The following CA1 variants were observed in gnomAD, a reference collection of about 807,000 sequenced individuals.
CA1 encodes carbonic anhydrase 1.
CA1 carries 27 observed loss-of-function variants against 28.8 expected under a neutral mutation model. The observed-to-expected ratio is 0.94, with a 90% CI of 0.69 to 1.29. The LOEUF is 1.29. CA1 is among the 50% of genes most tolerant of loss of function. The pLI is 0.00. For synonymous variants in CA1, 121 were observed against 108.8 expected (o/e 1.11, Z -0.70); for missense variants, 335 against 310.5 (o/e 1.08, Z -0.59).
At chr8:85,354,147 G>C (rs903645818) in intron 1 of CA1, among the ~76,000 whole-genome samples, 1 of 129,274 alleles carries the variant, frequency 7.7e-6, no homozygotes, top group Non-Finnish European at 1.7e-5. Context: ...TTTTTTTTTT[G>C]TATTTTTAGT....
intron 6 of CA1, among the ~76,000 whole-genome samples, chr8:85,330,982 G>A (rs866170755): frequency 3.9e-5 from 6 of 152,058 alleles, no homozygotes; most frequent in Middle Eastern, 3.2e-3. Context: ...AAATTGATGG[G>A]AAGTTTTCTG....
At chr8:85,335,404 A>G (rs1311149553) in intron 4 of CA1, among the ~76,000 whole-genome samples, 1 of 152,136 alleles carries the variant, frequency 6.6e-6, no homozygotes, top group African/African-American at 2.4e-5. Flanking sequence ...TAAGATAGAT[A>G]CTAATGCTAT....
At position 85,364,159 on chromosome 8, in the gene CA1, CTG is replaced by C. The variant is rs144275333; in HGVS notation, c.-25+13885_-25+13886del. 4.1e-3 allele frequency among the ~76,000 whole-genome samples: 623 copies of C among 152,150 alleles called. 4 individuals are homozygous for C. Among genetic ancestry groups the C allele is most frequent in the African/African-American group, 0.014 (594 of 41,536 alleles). ...CCTGGCTATTAACCCCAAATTTATTCTGTGTCTTTCTCTCTTTACCTTCAGAC... is the reference window on the plus strand; with the variant it reads ...CCTGGCTATTAACCCCAAATTTATTCTGTCTTTCTCTCTTTACCTTCAGAC... On this transcript the variant is annotated intron_variant, in intron 1 of 7. Coordinates refer to ENST00000523022, the MANE Select transcript of CA1 (RefSeq NM_001128831.4).
At chr8:85,348,890 T>G (rs7828273) in intron 1 of CA1, among the ~76,000 whole-genome samples, 3 of 152,274 alleles carry the variant, frequency 2.0e-5, no homozygotes, top group Admixed American at 6.5e-5. Context: ...ATAGAAAACT[T>G]TGTGGGCTAT....
At chr8:85,363,147 T>C (rs1165409652) in intron 1 of CA1, among the ~76,000 whole-genome samples, 1 of 152,252 alleles carries the variant, frequency 6.6e-6, no homozygotes. Context: ...CTCAACACTT[T>C]TGCTTTTGGC....
rs139959399 is a variant in CA1 at position 85,328,663 on chromosome 8, C to T, written c.683G>A (p.Arg228His). 1.8e-4 allele frequency: 290 copies of T among 1,600,968 alleles called. No homozygotes were observed. Among genetic ancestry groups the T allele is most frequent in the Non-Finnish European group, 2.3e-4 (270 of 1,170,088 alleles). ...SVSSEQLAQF[R>H]SLLSNVEGDN... ...ACCTTCAACATTTGATAGAAGGCTG[C>T]GGAATTGTGCCAGCTAGAAGGATAA... Residue 228 changes from arginine to histidine, a missense_variant, in exon 8 of 8, where the codon CGC becomes CAC. By Grantham distance (29) the Arg-to-His change is conservative. Transcript: ENST00000523022.
chr8:85,337,905 T>C lies in CA1; in HGVS notation c.235+347A>G, dbSNP rs186526362. 609 of 381,704 alleles carry C rather than the reference T, an allele frequency of 1.6e-3. 4 individuals carry two copies. Among genetic ancestry groups the C allele is most frequent in the African/African-American group, 0.011 (549 of 48,016 alleles). The allele number at this position is 381,704 out of a possible 1,614,324, so 23.6% of individuals were successfully genotyped here. ...ATTCATACTCATCCCAATTAGAAAA[T>C]ATTTTTCTTTTTAGTTGTTATATTT... On this transcript the variant is annotated intron_variant, in intron 3 of 7. Transcript: ENST00000523022.
chr8:85,375,355 C>G (rs1444858132), intron 1 of CA1, among the ~76,000 whole-genome samples: 1 of 152,120 alleles, frequency 6.6e-6, no homozygotes, highest in Non-Finnish European at 1.5e-5. Flanking sequence ...CGCATGCTGG[C>G]CTGTCCTGGC....
chr8:85,348,354 A>G (rs946526812), intron 1 of CA1, among the ~76,000 whole-genome samples: 10 of 152,232 alleles, frequency 6.6e-5, no homozygotes, highest in African/African-American at 2.2e-4. Context: ...TGCTCAAGTC[A>G]GAGCCATGAT....
intron 1 of CA1, among the ~76,000 whole-genome samples, chr8:85,369,628 A>G (rs1371454050): frequency 6.6e-6 from 1 of 152,158 alleles, no homozygotes; most frequent in African/African-American, 2.4e-5. Context: ...GGTCCTTTGC[A>G]TCATAATAGC....
chr8:85,332,359 G>C (rs11774422), intron 6 of CA1, 131 bp downstream of exon 6: 29 of 715,278 alleles, frequency 4.1e-5, no homozygotes, highest in Non-Finnish European at 6.8e-5. Flanking sequence ...TATTGAAGTA[G>C]CACCTTGATT....
intron 4 of CA1, among the ~76,000 whole-genome samples, chr8:85,334,846 C>T (rs182958288): frequency 0.011 from 1,639 of 152,062 alleles, 10 homozygotes; most frequent in Non-Finnish European, 0.017. Context: ...CAAAATTAGC[C>T]GGGTGTGGTG....
intron 1 of CA1, among the ~76,000 whole-genome samples, chr8:85,376,274 G>A (rs190977009): frequency 1.1e-3 from 161 of 152,244 alleles, no homozygotes; most frequent in African/African-American, 3.6e-3. Flanking sequence ...AGGTTGCAGT[G>A]AGCAGAGATC....
intron 2 of CA1, 42 bp downstream of exon 2, chr8:85,341,557 A>G (rs1808931935): frequency 2.5e-6 from 3 of 1,215,468 alleles, no homozygotes; most frequent in Non-Finnish European, 3.7e-6. Context: ...GGAAATGGGA[A>G]CAAGTTATCA....
rs181872278 is a variant in CA1, at chr8:85,361,757, G to T, written c.-25+16289C>A. ...AGCTTGATGTCTAACACTCAGTGGG[G>T]CTTACTATGTGGAAACTCCATGTGG... On this transcript the variant is annotated intron_variant, in intron 1 of 7. Coordinates refer to ENST00000523022, the MANE Select transcript of CA1 (RefSeq NM_001128831.4). 3.3e-5 allele frequency among the ~76,000 whole-genome samples: 5 copies of T among 152,300 alleles called. No individual in the cohort carries two copies. The South Asian group carries it at 6.2e-4, about 19-fold the overall frequency.
At chr8:85,333,028 A>G (rs548634533) in intron 5 of CA1, among the ~76,000 whole-genome samples, 59 of 152,294 alleles carry the variant, frequency 3.9e-4, no homozygotes, top group African/African-American at 1.3e-3. Flanking sequence ...GGATTCTTCT[A>G]TAGAGGATTT....
intron 6 of CA1, among the ~76,000 whole-genome samples, 153 bp from the exon 7 acceptor site, chr8:85,329,997 G>A (rs1808337156): frequency 2.6e-5 from 4 of 152,018 alleles, no homozygotes; most frequent in Non-Finnish European, 1.5e-5. Context: ...CATGACTGGC[G>A]TGTTTGTGGA....
intron 1 of CA1, among the ~76,000 whole-genome samples, chr8:85,373,692 T>C (rs1810313037): frequency 6.6e-6 from 1 of 152,216 alleles, no homozygotes; most frequent in African/African-American, 2.4e-5. Context: ...TCAGGTATTG[T>C]CTTGTAACGT....
intron 1 of CA1, among the ~76,000 whole-genome samples, chr8:85,361,063 A>C (rs1044230854): frequency 6.6e-6 from 1 of 152,112 alleles, no homozygotes; most frequent in Non-Finnish European, 1.5e-5. Flanking sequence ...CCCAAAACTG[A>C]GAACTGGACC....
Sources: allele counts gnomAD v4.1 joint callset (sites outside exome capture counted in the v4.1 genomes callset), GRCh38; gene constraint gnomAD v4.1.1; transcripts MANE v1.5; gene names NCBI Gene and HGNC (gene_info 2026-07-23, HGNC 2026-07-21).